SCHIP1: variants seen among roughly 807,000 people sequenced by gnomAD.
The protein encoded by SCHIP1 is schwannomin-interacting protein 1.
SCHIP1 carries 8 observed loss-of-function variants against 29.7 expected under a neutral mutation model. The observed-to-expected ratio is 0.27, with a 90% CI of 0.16 to 0.49. The LOEUF (loss-of-function observed/expected upper bound fraction) is 0.49, where lower values mean the gene tolerates loss of function less well. SCHIP1 is among the 20% of genes least tolerant of loss of function. The probability of loss-of-function intolerance (pLI) is 0.99; values close to 1 mark genes in which losing one functional copy is unlikely to be tolerated. For synonymous variants in SCHIP1, 76 were observed against 94.9 expected (o/e 0.80, Z 1.16); for missense variants, 193 against 294.6 (o/e 0.66, Z 2.52).
In SCHIP1 at chr3:159,840,984, T is replaced by G. The variant is rs913367584; in HGVS notation, c.30+770T>G. The stretch of plus-strand genomic sequence containing the variant: ...CTTTGTTGAAAACAGACAGCAAGAA[T>G]GTTCTCAGAGAAATTGCTCTTTGCA... On this transcript the variant is annotated intron_variant, in intron 1 of 6. Transcript: ENST00000445224. Among the ~76,000 whole-genome samples, 3 of 152,228 alleles carry G rather than the reference T, an allele frequency of 2.0e-5. No homozygotes were observed. The East Asian group carries it at 5.8e-4, about 29-fold the overall frequency.
chr3:159,545,782 G>A, the SCHIP1 span, among the ~76,000 whole-genome samples: 1 of 149,662 alleles, frequency 6.7e-6, no homozygotes, highest in Non-Finnish European at 1.5e-5. Context: ...TATTAGTCCT[G>A]TCCCTCTGTT....
chr3:159,558,100 G>T, the SCHIP1 span, among the ~76,000 whole-genome samples: 1 of 152,190 alleles, frequency 6.6e-6, no homozygotes, highest in South Asian at 2.1e-4. Context: ...GCTCATGTAG[G>T]AAGGTGCCTG....
chr3:159,626,227 T>G, the SCHIP1 span, among the ~76,000 whole-genome samples: 31 of 112,676 alleles, frequency 2.8e-4, 1 homozygote, highest in African/African-American at 1.8e-3. Flanking sequence ...GATATATATA[T>G]ATCTAGATAT....
chr3:159,277,947 C>T, the SCHIP1 span, among the ~76,000 whole-genome samples: 1 of 151,506 alleles, frequency 6.6e-6, no homozygotes, highest in Non-Finnish European at 1.5e-5. Flanking sequence ...AGCTATTTTT[C>T]AACGGTATAG....
the SCHIP1 span, among the ~76,000 whole-genome samples, chr3:159,320,102 G>A: frequency 6.6e-6 from 1 of 152,166 alleles, no homozygotes; most frequent in African/African-American, 2.4e-5. Context: ...AGTGTTTGAA[G>A]ATTAAAAACT....
At chr3:159,313,203 G>A in the SCHIP1 span, among the ~76,000 whole-genome samples, 6 of 152,222 alleles carry the variant, frequency 3.9e-5, 1 homozygote, top group South Asian at 4.1e-4. Flanking sequence ...GAAGATTTAC[G>A]AGCTCTAGAA....
the SCHIP1 span, among the ~76,000 whole-genome samples, chr3:159,314,647 A>G: frequency 4.6e-5 from 7 of 152,226 alleles, no homozygotes; most frequent in East Asian, 1.9e-4. Context: ...TGAGGCCAAC[A>G]CTGAAAACAG....
chr3:159,452,073 A>G, the SCHIP1 span, among the ~76,000 whole-genome samples: 1 of 152,098 alleles, frequency 6.6e-6, no homozygotes, highest in South Asian at 2.1e-4. Context: ...TATTTCACCT[A>G]CATGCCCCTA....
the SCHIP1 span, chr3:159,764,341 C>A: frequency 6.5e-6 from 9 of 1,386,292 alleles, no homozygotes; most frequent in Non-Finnish European, 8.6e-6. The surrounding 1 kb of genome is among the most constrained non-coding windows in gnomAD (Gnocchi z 6.1). Context: ...TCTGACCCAG[C>A]GGGCGCAGGG....
chr3:159,343,356 A>T, the SCHIP1 span, among the ~76,000 whole-genome samples: 1 of 152,210 alleles, frequency 6.6e-6, no homozygotes, highest in Non-Finnish European at 1.5e-5. Flanking sequence ...AAGTCATAAA[A>T]CACTCCAAAC....
chr3:159,432,294 G>GTA, the SCHIP1 span, among the ~76,000 whole-genome samples: 2 of 44,424 alleles, frequency 4.5e-5, no homozygotes, highest in Non-Finnish European at 7.6e-5. Flanking sequence ...TGATGTGTGT[G>GTA]TGTGTGTGTG....
At chr3:159,717,627 CA>C in the SCHIP1 span, among the ~76,000 whole-genome samples, 1 of 152,022 alleles carries the variant, frequency 6.6e-6, no homozygotes, top group Non-Finnish European at 1.5e-5. Context: ...CTAGAAAATC[CA>C]GAAGAAATGG....
the SCHIP1 span, among the ~76,000 whole-genome samples, chr3:159,695,182 C>G: frequency 6.6e-6 from 1 of 152,176 alleles, no homozygotes. Context: ...TAACTAAACA[C>G]CTTGAATGGC....
the SCHIP1 span, among the ~76,000 whole-genome samples, chr3:159,288,904 T>A: frequency 6.6e-6 from 1 of 152,160 alleles, no homozygotes; most frequent in Non-Finnish European, 1.5e-5. Flanking sequence ...CCACCTTTCT[T>A]TAGTCACATT....
chr3:159,570,805 T>A, the SCHIP1 span, among the ~76,000 whole-genome samples: 1 of 152,214 alleles, frequency 6.6e-6, no homozygotes, highest in South Asian at 2.1e-4. Context: ...TTTATTTGTA[T>A]CCTCTTTTAT....
the SCHIP1 span, among the ~76,000 whole-genome samples, chr3:159,490,320 G>C: frequency 6.6e-6 from 1 of 152,236 alleles, no homozygotes; most frequent in Non-Finnish European, 1.5e-5. Flanking sequence ...GGAATGTTAA[G>C]GCTAACTTTT....
the SCHIP1 span, among the ~76,000 whole-genome samples, chr3:159,447,228 G>A: frequency 6.6e-6 from 1 of 152,086 alleles, no homozygotes; most frequent in Non-Finnish European, 1.5e-5. Context: ...GATCAACCTT[G>A]CAAAATAATT....
At chr3:159,506,040 G>C in the SCHIP1 span, among the ~76,000 whole-genome samples, 1 of 152,140 alleles carries the variant, frequency 6.6e-6, no homozygotes. Context: ...CTGAGGAATC[G>C]CCACACTGAC....
chr3:159,584,699 A>G, the SCHIP1 span, among the ~76,000 whole-genome samples: 2 of 152,238 alleles, frequency 1.3e-5, no homozygotes, highest in East Asian at 3.9e-4. Context: ...CAGCAACATC[A>G]ATATCACCTG....
Sources: allele counts gnomAD v4.1 joint callset (sites outside exome capture counted in the v4.1 genomes callset), GRCh38; gene constraint gnomAD v4.1.1; non-coding constraint Gnocchi (gnomAD v3.1); transcripts MANE v1.5; gene names NCBI Gene and HGNC (gene_info 2026-07-23, HGNC 2026-07-21).